The following MEOX2 variants were observed in gnomAD, a reference collection of about 807,000 sequenced individuals.
The protein encoded by MEOX2 is mesenchyme homeobox 2.
A neutral mutation model predicts 27.0 loss-of-function variants in MEOX2; 11 were observed. The ratio of observed to expected loss-of-function variants is 0.41; its 90% CI spans 0.26 to 0.68. The LOEUF (loss-of-function observed/expected upper bound fraction) is 0.68. MEOX2 is among the 30% of genes least tolerant of loss of function. The probability of loss-of-function intolerance (pLI) is 0.33; values close to 1 mark genes in which losing one functional copy is unlikely to be tolerated. For missense variants in MEOX2, 436 were observed against 385.4 expected (o/e 1.13, Z -1.10); for synonymous variants, 189 against 155.4 (o/e 1.22, Z -1.61).
chr7:15,673,295 T>C (rs1374354532), intron 1 of MEOX2, among the ~76,000 whole-genome samples: 1 of 152,182 alleles, frequency 6.6e-6, no homozygotes, highest in Admixed American at 6.5e-5. Flanking sequence ...AGATATTATA[T>C]GGCAAGGGAA....
intron 1 of MEOX2, among the ~76,000 whole-genome samples, chr7:15,627,269 G>A (rs546309288): frequency 6.6e-6 from 1 of 152,118 alleles, no homozygotes; most frequent in South Asian, 2.1e-4. Context: ...TTGAACATAC[G>A]TACTTGAGGT....
intron 1 of MEOX2, among the ~76,000 whole-genome samples, chr7:15,675,081 T>A (rs1450574116): frequency 2.0e-5 from 3 of 152,068 alleles, no homozygotes; most frequent in Non-Finnish European, 4.4e-5. Context: ...AAAATTTACT[T>A]GGATTAAATG....
intron 1 of MEOX2, chr7:15,680,983 G>T (rs1033889960): frequency 4.6e-5 from 7 of 151,072 alleles, no homozygotes; most frequent in Non-Finnish European, 7.4e-5. Flanking sequence ...GGGGGGAAAT[G>T]CTTATATATC....
intron 1 of MEOX2, among the ~76,000 whole-genome samples, chr7:15,685,279 C>T (rs1055600554): frequency 1.3e-5 from 2 of 152,034 alleles, no homozygotes; most frequent in African/African-American, 4.8e-5. Flanking sequence ...TAGATAATGT[C>T]TTCTTCCCCA....
intron 1 of MEOX2, among the ~76,000 whole-genome samples, chr7:15,684,036 A>G (rs553262324): frequency 1.3e-5 from 2 of 152,224 alleles, no homozygotes; most frequent in Non-Finnish European, 2.9e-5. Context: ...TTATTAAAAT[A>G]AATTAAGGGA....
chr7:15,670,481 T>C (rs757013989), intron 1 of MEOX2, among the ~76,000 whole-genome samples: 15 of 152,220 alleles, frequency 9.9e-5, no homozygotes, highest in East Asian at 1.9e-4. Flanking sequence ...GGTAAGAAAA[T>C]TTGTCTCGTT....
chr7:15,632,135 T>G (rs1260161141), intron 1 of MEOX2, among the ~76,000 whole-genome samples: 1 of 151,774 alleles, frequency 6.6e-6, no homozygotes, highest in African/African-American at 2.4e-5. Context: ...AAAATTTCCT[T>G]GGCATTGCAT....
At chr7:15,618,842 G>T (rs1160040363) in intron 2 of MEOX2, among the ~76,000 whole-genome samples, 1 of 151,742 alleles carries the variant, frequency 6.6e-6, no homozygotes, top group South Asian at 2.1e-4. Context: ...TATTAGTTCT[G>T]TGTGAGTATA....
intron 2 of MEOX2, among the ~76,000 whole-genome samples, chr7:15,619,247 A>G (rs1437614725): frequency 1.3e-5 from 2 of 152,036 alleles, no homozygotes; most frequent in Non-Finnish European, 2.9e-5. Flanking sequence ...TTTTTTTAAC[A>G]TGAATAAAAC....
chr7:15,645,064 A>G (rs1209846007), intron 1 of MEOX2, among the ~76,000 whole-genome samples: 1 of 152,214 alleles, frequency 6.6e-6, no homozygotes, highest in African/African-American at 2.4e-5. Context: ...AAGAAAGAAG[A>G]TTAAGGTAAG....
chr7:15,685,466 C>G (rs1270010038), intron 1 of MEOX2, among the ~76,000 whole-genome samples: 1 of 152,114 alleles, frequency 6.6e-6, no homozygotes, highest in African/African-American at 2.4e-5. Flanking sequence ...AAAATCGAGC[C>G]ACTCAGAGTC....
At chr7:15,620,086 C>G (rs1781196395) in intron 2 of MEOX2, among the ~76,000 whole-genome samples, 1 of 152,020 alleles carries the variant, frequency 6.6e-6, no homozygotes, top group Non-Finnish European at 1.5e-5. Context: ...AGGAATGTCT[C>G]TTTATATTTA....
At chr7:15,637,515 TACAC>T (rs903037229) in intron 1 of MEOX2, among the ~76,000 whole-genome samples, 13 of 150,034 alleles carry the variant, frequency 8.7e-5, no homozygotes, top group South Asian at 2.1e-4. Context: ...AATTTTCCAA[TACAC>T]ACACACACAC....
intron 1 of MEOX2, among the ~76,000 whole-genome samples, chr7:15,673,046 A>G (rs1782129087): frequency 6.6e-6 from 1 of 152,244 alleles, no homozygotes; most frequent in African/African-American, 2.4e-5. Context: ...GCCTGGAACC[A>G]AGACCTTCAA....
intron 1 of MEOX2, among the ~76,000 whole-genome samples, chr7:15,647,347 T>C (rs186264222): frequency 6.6e-6 from 1 of 152,224 alleles, no homozygotes; most frequent in Non-Finnish European, 1.5e-5. Flanking sequence ...TCAGAGAGGT[T>C]CCCATGCTTT....
At chr7:15,670,108 T>A (rs1782071751) in intron 1 of MEOX2, among the ~76,000 whole-genome samples, 1 of 152,224 alleles carries the variant, frequency 6.6e-6, no homozygotes, top group South Asian at 2.1e-4. Context: ...CATTGTTATG[T>A]TGTGCTTTAC....
chr7:15,650,998 G>A lies in MEOX2; in HGVS notation c.518-24080C>T, dbSNP rs553324358. On this transcript the variant is annotated intron_variant, in intron 1 of 2. Coordinates refer to ENST00000262041, the MANE Select transcript of MEOX2 (RefSeq NM_005924.5). Reference sequence around the variant, plus strand: ...AACAGAAGACTGAGATAGAGCATGCGGAATGTACTGGGAACACTTACTTTC... The same window carrying A: ...AACAGAAGACTGAGATAGAGCATGCAGAATGTACTGGGAACACTTACTTTC... 9.9e-5 allele frequency among the ~76,000 whole-genome samples: 15 copies of A among 152,032 alleles called. No individual in the cohort carries two copies. The South Asian group carries it at 2.5e-3, about 25-fold the overall frequency.
At chr7:15,676,692 G>A (rs1286108092) in intron 1 of MEOX2, among the ~76,000 whole-genome samples, 1 of 151,968 alleles carries the variant, frequency 6.6e-6, no homozygotes, top group Non-Finnish European at 1.5e-5. Context: ...CCAACATGGT[G>A]AAACCGCGTC....
intron 1 of MEOX2, among the ~76,000 whole-genome samples, chr7:15,652,450 A>G (rs570822000): frequency 2.6e-5 from 4 of 152,060 alleles, no homozygotes; most frequent in Non-Finnish European, 5.9e-5. Flanking sequence ...AGTATTTTCC[A>G]TTTTGAAAGC....
Sources: allele counts gnomAD v4.1 joint callset (sites outside exome capture counted in the v4.1 genomes callset), GRCh38; gene constraint gnomAD v4.1.1; transcripts MANE v1.5; gene names NCBI Gene and HGNC (gene_info 2026-07-23, HGNC 2026-07-21).